The following PLXNA2 variants were observed in gnomAD, a reference collection of about 807,000 sequenced individuals.
The protein encoded by PLXNA2 is plexin A2.
In PLXNA2, 91 loss-of-function variants were observed where a neutral mutation model predicts 193.5. That is an observed-to-expected ratio of 0.47 (90% CI 0.40 to 0.56). PLXNA2 has a LOEUF of 0.56. Ranked by LOEUF, PLXNA2 falls within the 20% of genes least tolerant of loss-of-function variation. The pLI, the probability that PLXNA2 is intolerant of heterozygous loss-of-function variation, is 0.00. For missense variants in PLXNA2, 1,995 were observed against 2,503.2 expected (o/e 0.80, Z 4.33); for synonymous variants, 997 against 1,027.3 (o/e 0.97, Z 0.56).
In PLXNA2 at chr1:208,225,091, C is replaced by A. The variant is rs17012196; in HGVS notation, c.-80-7089G>T. Reference sequence around the variant, plus strand: ...CTTTGGACAAGGCCCTTAGATCTTACATATGTGCGTGACAGTGAGGGACCC... The same window carrying A: ...CTTTGGACAAGGCCCTTAGATCTTAAATATGTGCGTGACAGTGAGGGACCC... On this transcript the variant is annotated intron_variant, in intron 1 of 31. Transcript: ENST00000367033. Among the ~76,000 whole-genome samples the A allele has an allele frequency of 7.9e-3, 1,207 of 152,218 alleles. 18 individuals are homozygous for A. The highest frequency in any genetic ancestry group is 0.028 in the African/African-American group (1,163 of 41,530).
intron 3 of PLXNA2, among the ~76,000 whole-genome samples, chr1:208,180,223 G>C (rs111370584): frequency 1.9e-3 from 287 of 152,086 alleles, no homozygotes; most frequent in African/African-American, 6.4e-3. Flanking sequence ...GCTGGGAAAG[G>C]GGGTGGAGTG....
chr1:208,045,116 G>T lies in PLXNA2; in HGVS notation c.3590C>A (p.Thr1197Asn). The T allele has an allele frequency of 6.2e-7, 1 of 1,614,162 alleles. No homozygotes were observed. Among genetic ancestry groups the T allele is most frequent in the Non-Finnish European group, 8.5e-7 (1 of 1,180,028 alleles). The change falls in exon 19 of 32, where the codon ACC becomes AAC. Residue 1197 changes from threonine to asparagine, a missense_variant. By Grantham distance (65) the Thr-to-Asn change is moderately conservative (BLOSUM62 0). Coordinates refer to ENST00000367033, the MANE Select transcript of PLXNA2 (RefSeq NM_025179.4). Reference protein sequence around the residue: ...ETPCAVTVSETQLLCEPPNLT... With the variant: ...ETPCAVTVSENQLLCEPPNLT... ...GTTGGGAGGCTCGCAGAGAAGCTGG[G>T]TCTCAGATACGGTGACAGCACAAGG...
chr1:208,235,310 A>G (rs1671818328), intron 1 of PLXNA2, among the ~76,000 whole-genome samples: 1 of 152,188 alleles, frequency 6.6e-6, no homozygotes, highest in Non-Finnish European at 1.5e-5. Context: ...TACTTTTCTC[A>G]GAAAATTCCA....
chr1:208,228,329 A>T (rs746452630), intron 1 of PLXNA2, among the ~76,000 whole-genome samples: 1 of 152,146 alleles, frequency 6.6e-6, no homozygotes, highest in Non-Finnish European at 1.5e-5. Flanking sequence ...AGCACTGCTC[A>T]TTTCCAGAAG....
intron 22 of PLXNA2, 142 bp downstream of exon 22, chr1:208,041,956 C>A: frequency 1.2e-6 from 1 of 852,036 alleles, no homozygotes; most frequent in Non-Finnish European, 1.8e-6. Context: ...CCTGCAGAGA[C>A]GTGAGGACAC....
chr1:208,078,998 C>T (rs1666242794), intron 12 of PLXNA2, among the ~76,000 whole-genome samples: 1 of 152,218 alleles, frequency 6.6e-6, no homozygotes, highest in Non-Finnish European at 1.5e-5. Flanking sequence ...TGGGTTGGCT[C>T]TGCCTCCCTT....
At chr1:208,200,642 T>C (rs1670519913) in intron 3 of PLXNA2, among the ~76,000 whole-genome samples, 1 of 144,144 alleles carries the variant, frequency 6.9e-6, no homozygotes, top group African/African-American at 2.5e-5. Context: ...CCTAGGCTGG[T>C]GTGCAGTGGT....
At chr1:208,118,590 G>T (rs759014013) in intron 4 of PLXNA2, among the ~76,000 whole-genome samples, 3 of 152,152 alleles carry the variant, frequency 2.0e-5, no homozygotes, top group African/African-American at 4.8e-5. Flanking sequence ...CCCTCACCTG[G>T]AGGTTAGTGT....
chr1:208,167,872 T>C (rs1480200994), intron 3 of PLXNA2, among the ~76,000 whole-genome samples: 3 of 152,218 alleles, frequency 2.0e-5, no homozygotes, highest in Non-Finnish European at 4.4e-5. Flanking sequence ...AGCACCTGCA[T>C]GCTGACCCCC....
rs746778429 is a variant in PLXNA2, at chr1:208,043,115, A to G, written c.3963T>C (p.Ala1321=). ...CGATGCCCGGGAACAGGACTCGCAT[A>G]GCGTAGGTACGATAGTCCAGGTAAG... ...GIPYLDYRTY[A]MRVLFPGIED... Residue 1321 remains alanine, a synonymous_variant, in exon 21 of 32, where the codon GCT becomes GCC. Transcript: ENST00000367033. The G allele has an allele frequency of 6.2e-7, 1 of 1,614,040 alleles. No homozygotes were observed. The highest frequency in any genetic ancestry group is 1.3e-5 in the African/African-American group (1 of 74,950).
At chr1:208,143,291 C>T (rs1311061293) in intron 3 of PLXNA2, among the ~76,000 whole-genome samples, 2 of 152,204 alleles carry the variant, frequency 1.3e-5, no homozygotes, top group Non-Finnish European at 2.9e-5. Flanking sequence ...CTGCAGTTCT[C>T]ACACTAGTGT....
At chr1:208,034,695 G>C in intron 26 of PLXNA2, 103 bp from the exon 27 acceptor site, 1 of 699,498 alleles carries the variant, frequency 1.4e-6, no homozygotes, top group East Asian at 2.7e-5. Context: ...CTGTGGGGTA[G>C]AGAGCAAGGA....
rs934378162 is a variant in PLXNA2, at chr1:208,215,216, G to A, written c.1188+1519C>T. Among the ~76,000 whole-genome samples the A allele has an allele frequency of 3.9e-5, 6 of 152,078 alleles. 1 individual carries two copies. Among genetic ancestry groups the A allele is most frequent in the Admixed American group, 3.3e-4 (5 of 15,266 alleles). On this transcript the variant is annotated intron_variant, in intron 2 of 31. Coordinates refer to ENST00000367033, the MANE Select transcript of PLXNA2 (RefSeq NM_025179.4). ...TTGTCATGTTGCCCAGGCTGGTCTC[G>A]AACTCCTGAGCTCAAGCAATCTGCC...
chr1:208,136,817 G>A (rs1341677850), intron 4 of PLXNA2, among the ~76,000 whole-genome samples: 2 of 152,194 alleles, frequency 1.3e-5, no homozygotes, highest in East Asian at 3.8e-4. Flanking sequence ...TTGTGGTGGA[G>A]ATGTTTCTAG....
intron 1 of PLXNA2, among the ~76,000 whole-genome samples, chr1:208,229,722 GAA>G (rs1028432809): frequency 2.0e-5 from 3 of 152,174 alleles, no homozygotes; most frequent in African/African-American, 7.2e-5. Flanking sequence ...ACTTGTGCAG[GAA>G]AAGTCTTTGC....
intron 3 of PLXNA2, among the ~76,000 whole-genome samples, chr1:208,142,719 A>AT (rs1668493535): frequency 1.3e-5 from 2 of 152,166 alleles, no homozygotes; most frequent in South Asian, 4.1e-4. Flanking sequence ...CTTGGGAATG[A>AT]TTTTGAATAT....
intron 1 of PLXNA2, among the ~76,000 whole-genome samples, chr1:208,220,614 T>C (rs77675878): frequency 6.6e-6 from 1 of 151,634 alleles, no homozygotes; most frequent in Non-Finnish European, 1.5e-5. Context: ...TTTTTTTTTT[T>C]TGTATTTTTA....
At chr1:208,162,453 T>C (rs1333909363) in intron 3 of PLXNA2, among the ~76,000 whole-genome samples, 3 of 152,220 alleles carry the variant, frequency 2.0e-5, no homozygotes, top group South Asian at 2.1e-4. Flanking sequence ...TTGACTGATA[T>C]ATAAAATTAG....
Position 208,142,416 on chromosome 1 carries a change from G to A in PLXNA2, c.1419C>T (p.Val473=). The change falls in exon 4 of 32, where the codon GTC becomes GTT. Residue 473 remains valine, a synonymous_variant. Coordinates refer to ENST00000367033, the MANE Select transcript of PLXNA2 (RefSeq NM_025179.4). ...PPHGGVQYEM[V]SVLKDGSPIL... ...TGGGGCTTCCGTCCTTGAGCACAGA[G>A]ACCATCTCGTACTGGACCCCACCAT... 4 of 1,613,912 alleles carry A rather than the reference G, an allele frequency of 2.5e-6. No homozygotes were observed. Among genetic ancestry groups the A allele is most frequent in the Non-Finnish European group, 3.4e-6 (4 of 1,179,924 alleles).
Sources: allele counts gnomAD v4.1 joint callset (sites outside exome capture counted in the v4.1 genomes callset), GRCh38; gene constraint gnomAD v4.1.1; transcripts MANE v1.5; gene names NCBI Gene and HGNC (gene_info 2026-07-23, HGNC 2026-07-21).